Variants in LINGO1 observed in about 807,000 individuals in gnomAD.
LINGO1 encodes leucine rich repeat and Ig domain containing 1.
In LINGO1, 11 loss-of-function variants were observed where a neutral mutation model predicts 37.3. The ratio of observed to expected loss-of-function variants is 0.29; its 90% CI spans 0.19 to 0.49. The LOEUF is 0.49. Among genes scored for constraint, LINGO1 ranks in the 20% least tolerant of loss-of-function variants. LINGO1 has a pLI of 0.99. For missense variants in LINGO1, 585 were observed against 878.2 expected, an observed-to-expected ratio of 0.67 and a Z score of 4.22; for synonymous variants, 387 against 403.0, an observed-to-expected ratio of 0.96 and a Z score of 0.48.
chr15:77,748,100 G>C (rs2076332835), intron 1 of LINGO1, among the ~76,000 whole-genome samples: 1 of 152,232 alleles, frequency 6.6e-6, no homozygotes, highest in African/African-American at 2.4e-5. Context: ...GCCCTTTTGA[G>C]GCACCCTCTC....
chr15:77,690,469 G>A (rs542284894), intron 2 of LINGO1, among the ~76,000 whole-genome samples: 1 of 152,284 alleles, frequency 6.6e-6, no homozygotes, highest in Non-Finnish European at 1.5e-5. Context: ...CCAGGTTCTG[G>A]TTGCACCGTT....
At position 77,614,023 on chromosome 15, in the gene LINGO1, T is replaced by A; in HGVS notation, c.*21A>T. ...CTTCCCCTGCCCGGCCGCCCGGGGG[T>A]CCCTGCCCCCCGCCCCGGCCTCATA... is the stretch of plus-strand genomic sequence containing the variant. On this transcript the variant is annotated 3_prime_UTR_variant, in exon 2 of 2. Transcript: ENST00000355300. 1 of 1,541,840 alleles carries A rather than the reference T, an allele frequency of 6.5e-7. No individual in the cohort carries two copies. The highest frequency in any genetic ancestry group is 8.8e-7 in the Non-Finnish European group (1 of 1,141,396).
At chr15:77,743,725 A>C (rs2076287012) in intron 1 of LINGO1, among the ~76,000 whole-genome samples, 1 of 151,908 alleles carries the variant, frequency 6.6e-6, no homozygotes, top group South Asian at 2.1e-4. Flanking sequence ...CCAGGGGCGC[A>C]GGAGGGATGC....
At chr15:77,808,026 G>A (rs2076974293) in intron 1 of LINGO1, among the ~76,000 whole-genome samples, 3 of 152,122 alleles carry the variant, frequency 2.0e-5, no homozygotes, top group Admixed American at 2.0e-4. Context: ...TCAAAGATAA[G>A]GAGATGAGCC....
In LINGO1 at chr15:77,679,197, G is replaced by A. The variant is rs558525773; in HGVS notation, c.-98-2023C>T. 1.7e-4 allele frequency among the ~76,000 whole-genome samples: 26 copies of A among 152,266 alleles called. No homozygotes were observed. In the South Asian group the frequency reaches 2.3e-3, roughly 13 times the overall value. On this transcript the variant is annotated intron_variant, in intron 2 of 3. Coordinates refer to the LINGO1 transcript ENST00000559893. The stretch of plus-strand genomic sequence containing the variant: ...ATTATGGGTGTGAGCCACCGCGCTC[G>A]GCCTGCATTGTGGTTTTAATTTGCA...
At chr15:77,617,982 C>T (rs1437783287) in intron 1 of LINGO1, among the ~76,000 whole-genome samples, 1 of 152,240 alleles carries the variant, frequency 6.6e-6, no homozygotes, top group Non-Finnish European at 1.5e-5. Flanking sequence ...AGCTTCTCCC[C>T]ACCCGACCCC....
upstream of LINGO1, among the ~76,000 whole-genome samples, chr15:77,698,978 G>A (rs780967742): frequency 5.3e-5 from 8 of 152,142 alleles, no homozygotes; most frequent in Admixed American, 6.5e-5. Context: ...AGGAGGCTAC[G>A]GAGCCGAGAG....
chr15:77,789,074 A>G, upstream of LINGO1, among the ~76,000 whole-genome samples: 1 of 151,920 alleles, frequency 6.6e-6, no homozygotes, highest in Non-Finnish European at 1.5e-5. Context: ...TGAGATGCTC[A>G]CCACCGCCAA....
At chr15:77,802,132 C>G (rs954213283) in intron 1 of LINGO1, among the ~76,000 whole-genome samples, 2 of 151,986 alleles carry the variant, frequency 1.3e-5, no homozygotes, top group African/African-American at 4.8e-5. Context: ...GGGGGATGAG[C>G]CCATGGGGTG....
upstream of LINGO1, among the ~76,000 whole-genome samples, chr15:77,698,225 T>A (rs1001264562): frequency 6.6e-6 from 1 of 152,066 alleles, no homozygotes; most frequent in Non-Finnish European, 1.5e-5. Flanking sequence ...CCACTGAGCA[T>A]CCCCCACGCC....
intron 2 of LINGO1, among the ~76,000 whole-genome samples, chr15:77,705,322 G>A (rs1023328172): frequency 1.3e-5 from 2 of 152,124 alleles, no homozygotes; most frequent in African/African-American, 4.8e-5. Context: ...CACCTCAGAA[G>A]ATAGGAAGGT....
chr15:77,760,318 C>T (rs969926542), intron 1 of LINGO1, among the ~76,000 whole-genome samples: 13 of 152,194 alleles, frequency 8.5e-5, no homozygotes, highest in Non-Finnish European at 1.8e-4. Context: ...TGTCCAGGCT[C>T]CCGTCCCCCA....
rs4569231 is a variant in LINGO1 at position 77,717,106 on chromosome 15, G to A, written c.-195+17886C>T. 4.7e-5 allele frequency among the ~76,000 whole-genome samples: 7 copies of A among 150,002 alleles called. No homozygotes were observed. The South Asian group carries it at 6.5e-4, about 14-fold the overall frequency. On this transcript the variant is annotated intron_variant, in intron 2 of 3. Coordinates refer to the LINGO1 transcript ENST00000561686. ...CAAGCTCAGCACTCTGCTCCCCAGC[G>A]CCCCTTGCCCACAGCTGCCACCCAG...
In LINGO1 at chr15:77,724,025, C is replaced by T. The variant is rs553252522; in HGVS notation, c.-195+10967G>A. 2.6e-5 allele frequency among the ~76,000 whole-genome samples: 4 copies of T among 152,298 alleles called. No individual in the cohort carries two copies. The South Asian group carries it at 6.2e-4, about 24-fold the overall frequency. ...GTAGGAGGAGGAACACAGAAATAGC[C>T]GGGCGTGCGTGTCTGAGCTGGGCTA... On this transcript the variant is annotated intron_variant, in intron 2 of 3. Coordinates refer to the LINGO1 transcript ENST00000561686.
intron 1 of LINGO1, among the ~76,000 whole-genome samples, chr15:77,629,298 G>T (rs1040768046): frequency 6.6e-6 from 1 of 151,838 alleles, no homozygotes; most frequent in Non-Finnish European, 1.5e-5. Context: ...TCGCTTGTTC[G>T]TTCATTCATT....
chr15:77,660,385 G>A (rs1337365075), intron 3 of LINGO1, among the ~76,000 whole-genome samples: 1 of 152,220 alleles, frequency 6.6e-6, no homozygotes, highest in African/African-American at 2.4e-5. Flanking sequence ...TCTGAGATCC[G>A]GAGGGGAGGG....
chr15:77,626,748 C>T (rs761502650), intron 1 of LINGO1, among the ~76,000 whole-genome samples: 8 of 152,130 alleles, frequency 5.3e-5, no homozygotes, highest in Admixed American at 2.0e-4. Flanking sequence ...GTGAGGAATC[C>T]GATGAGACAT....
At chr15:77,686,472 C>G (rs567196553) in intron 2 of LINGO1, among the ~76,000 whole-genome samples, 1 of 152,364 alleles carries the variant, frequency 6.6e-6, no homozygotes, top group East Asian at 1.9e-4. Context: ...CTGGCTACTT[C>G]AAGCCAAGGG....
rs1365566123 is a variant in LINGO1, at chr15:77,613,791, G to A, written c.*253C>T. Reference sequence around the variant, plus strand: ...TATTGACTCTGCCGCGTGTCGGTTCGTCGGCTTTCAACTCCAGTCTGTCAA... The same window carrying A: ...TATTGACTCTGCCGCGTGTCGGTTCATCGGCTTTCAACTCCAGTCTGTCAA... On this transcript the variant is annotated 3_prime_UTR_variant, in exon 2 of 2. Coordinates refer to ENST00000355300, the MANE Select transcript of LINGO1 (RefSeq NM_032808.7). 10 of 477,422 alleles carry A rather than the reference G, an allele frequency of 2.1e-5. No homozygotes were observed. Among genetic ancestry groups the A allele is most frequent in the South Asian group, 1.6e-4 (3 of 18,876 alleles). 29.6% of individuals were successfully genotyped at this position (477,422 alleles called of 1,614,324 possible). A position where few individuals can be genotyped will look rare whatever the true frequency, so the allele number is the denominator to read the frequency against.
Sources: gnomAD v4.1 joint callset for allele counts (sites outside exome capture counted in the v4.1 genomes callset) on GRCh38, gnomAD v4.1.1 for gene constraint, MANE v1.5 for transcripts, NCBI Gene and HGNC (gene_info 2026-07-23, HGNC 2026-07-21) for gene names.